CAMK1D: variants seen among roughly 807,000 people sequenced by gnomAD.
CAMK1D encodes calcium/calmodulin-dependent protein kinase type 1D.
Under a neutral mutation model 47.7 loss-of-function variants are expected in CAMK1D, and 9 were observed. The observed-to-expected ratio is 0.19, with a 90% CI of 0.11 to 0.33. CAMK1D has a LOEUF of 0.33. CAMK1D is among the 10% of genes least tolerant of loss of function. The pLI is 1.00. For missense variants in CAMK1D, 291 were observed against 488.7 expected, an observed-to-expected ratio of 0.60 and a Z score of 3.81; for synonymous variants, 184 against 184.9, an observed-to-expected ratio of 0.99 and a Z score of 0.04.
chr10:12,800,141 C>A (rs958993017), intron 6 of CAMK1D, among the ~76,000 whole-genome samples: 1 of 152,174 alleles, frequency 6.6e-6, no homozygotes, highest in Admixed American at 6.5e-5. Flanking sequence ...CTGCTCTCTT[C>A]TAAGTTTGCA....
intron 1 of CAMK1D, among the ~76,000 whole-genome samples, chr10:12,452,225 G>A (rs1833104967): frequency 6.6e-6 from 1 of 151,776 alleles, no homozygotes; most frequent in African/African-American, 2.4e-5. Flanking sequence ...CATTTTTTGG[G>A]TTCTTAAAAA....
chr10:12,497,069 T>G (rs1359631105), intron 1 of CAMK1D, among the ~76,000 whole-genome samples: 2 of 152,246 alleles, frequency 1.3e-5, no homozygotes, highest in Non-Finnish European at 2.9e-5. Flanking sequence ...GGACATGATC[T>G]TGCTCCTTTT....
At chr10:12,637,319 C>T (rs913434309) in intron 2 of CAMK1D, among the ~76,000 whole-genome samples, 4 of 152,146 alleles carry the variant, frequency 2.6e-5, no homozygotes, top group African/African-American at 4.8e-5. Context: ...TTCTAAAATA[C>T]GACTACTGTA....
chr10:12,630,885 A>G (rs12260523), intron 2 of CAMK1D, among the ~76,000 whole-genome samples: 40,216 of 152,020 alleles, frequency 0.26, 5,424 homozygotes, highest in South Asian at 0.39. Context: ...CAGAGGGTGC[A>G]CCCAGGGATC....
intron 1 of CAMK1D, among the ~76,000 whole-genome samples, chr10:12,382,601 G>T (rs1838376075): frequency 6.6e-6 from 1 of 152,130 alleles, no homozygotes. Context: ...GAGGTGGGCG[G>T]ATCACCTGAG....
intron 1 of CAMK1D, among the ~76,000 whole-genome samples, chr10:12,470,318 C>A (rs191484527): frequency 8.7e-4 from 133 of 152,284 alleles, no homozygotes; most frequent in Admixed American, 4.7e-3. Flanking sequence ...TCTAATCCCA[C>A]CACTCAGAAA....
intron 3 of CAMK1D, among the ~76,000 whole-genome samples, chr10:12,723,128 A>G (rs1834470082): frequency 1.3e-5 from 2 of 152,170 alleles, no homozygotes; most frequent in South Asian, 2.1e-4. Flanking sequence ...GGGCTTGTGT[A>G]TTGCAGGCCC....
intron 3 of CAMK1D, among the ~76,000 whole-genome samples, chr10:12,680,658 C>A (rs1840961429): frequency 6.6e-6 from 1 of 151,886 alleles, no homozygotes; most frequent in African/African-American, 2.4e-5. Context: ...TTTGATGTTT[C>A]CCACGAGGAA....
At chr10:12,560,555 GAAA>G (rs1164348622) in intron 2 of CAMK1D, among the ~76,000 whole-genome samples, 2 of 105,644 alleles carry the variant, frequency 1.9e-5, no homozygotes, top group African/African-American at 3.9e-5. Flanking sequence ...CTCTATCTCG[GAAA>G]AAAAAAAAAA....
At chr10:12,696,119 A>G (rs1833286009) in intron 3 of CAMK1D, among the ~76,000 whole-genome samples, 1 of 151,988 alleles carries the variant, frequency 6.6e-6, no homozygotes, top group African/African-American at 2.4e-5. Flanking sequence ...ATAAACGAAT[A>G]TTATTTGACC....
intron 1 of CAMK1D, among the ~76,000 whole-genome samples, chr10:12,459,247 G>A (rs1008667354): frequency 1.6e-4 from 24 of 152,092 alleles, no homozygotes; most frequent in African/African-American, 5.8e-4. Flanking sequence ...CCACGTTATG[G>A]CAGGTGACTG....
intron 1 of CAMK1D, among the ~76,000 whole-genome samples, chr10:12,400,447 G>A (rs546332619): frequency 6.6e-6 from 1 of 152,212 alleles, no homozygotes; most frequent in East Asian, 1.9e-4. Flanking sequence ...TTATATCACC[G>A]GAAGATAAAA....
At chr10:12,397,262 C>G (rs1000868201) in intron 1 of CAMK1D, among the ~76,000 whole-genome samples, 2 of 152,106 alleles carry the variant, frequency 1.3e-5, no homozygotes, top group African/African-American at 4.8e-5. Flanking sequence ...GTTTTTGTCT[C>G]CTGCAGGTGT....
In CAMK1D at chr10:12,389,438, A is replaced by C. The variant is rs1006983055; in HGVS notation, c.92+39528A>C. On this transcript the variant is annotated intron_variant, in intron 1 of 10. Transcript: ENST00000619168. ...TTCAAGGAGAGGTGCTCAGTGCAGGAGACTCAGCTTCTGCCCAGCACCACA... is the reference window on the plus strand; with the variant it reads ...TTCAAGGAGAGGTGCTCAGTGCAGGCGACTCAGCTTCTGCCCAGCACCACA... Among the ~76,000 whole-genome samples, 4 of 152,138 alleles carry C rather than the reference A, an allele frequency of 2.6e-5. No homozygotes were observed. In the East Asian group the frequency reaches 7.7e-4, roughly 29 times the overall value.
At chr10:12,722,729 A>G (rs1398238212) in intron 3 of CAMK1D, among the ~76,000 whole-genome samples, 3 of 152,202 alleles carry the variant, frequency 2.0e-5, no homozygotes, top group Admixed American at 6.5e-5. Flanking sequence ...TGAAGCTATA[A>G]GATTAAAATC....
intron 1 of CAMK1D, among the ~76,000 whole-genome samples, chr10:12,489,459 AGTGACAGTGAAGTCATTT>A (rs1293651117): frequency 1.3e-5 from 2 of 152,178 alleles, no homozygotes. Context: ...CCTTGGATTT[AGTGACAGTGAAGTCATTT>A]GTGCTTCCAT....
intron 1 of CAMK1D, among the ~76,000 whole-genome samples, chr10:12,484,927 C>T (rs528933974): frequency 2.6e-4 from 39 of 152,154 alleles, no homozygotes; most frequent in Admixed American, 1.4e-3. Context: ...AAATCTCTGC[C>T]CTTACTGGCT....
chr10:12,779,528 C>T (rs1045419448), intron 5 of CAMK1D, among the ~76,000 whole-genome samples: 2 of 152,128 alleles, frequency 1.3e-5, no homozygotes, highest in Non-Finnish European at 2.9e-5. Context: ...CCCCTGGGCT[C>T]AGGTGATCCT....
At chr10:12,457,445 C>T (rs926782503) in intron 1 of CAMK1D, among the ~76,000 whole-genome samples, 6 of 150,742 alleles carry the variant, frequency 4.0e-5, no homozygotes. Context: ...TTAACAAGTA[C>T]AAAACGCAAG....
Sources: gnomAD v4.1 joint callset for allele counts (sites outside exome capture counted in the v4.1 genomes callset) on GRCh38, gnomAD v4.1.1 for gene constraint, MANE v1.5 for transcripts, NCBI Gene and HGNC (gene_info 2026-07-23, HGNC 2026-07-21) for gene names.